Variants in DLGAP1 observed in about 807,000 individuals in gnomAD.
DLGAP1 encodes DLG associated protein 1.
Under a neutral mutation model 90.8 loss-of-function variants are expected in DLGAP1, and 11 were observed. That is an observed-to-expected ratio of 0.12 (90% CI 0.08 to 0.20). The LOEUF is 0.20. DLGAP1 is among the 10% of genes least tolerant of loss of function. The pLI is 1.00. For missense variants in DLGAP1, 1,050 were observed against 1,333.8 expected (o/e 0.79, Z 3.31); for synonymous variants, 558 against 540.7 (o/e 1.03, Z -0.44).
chr18:3,976,260 C>A (rs2149017309), intron 3 of DLGAP1, among the ~76,000 whole-genome samples: 1 of 151,132 alleles, frequency 6.6e-6, no homozygotes, highest in African/African-American at 2.4e-5. Context: ...CCTGTAATCC[C>A]AGCTCTTTGG....
chr18:4,221,587 C>T (rs2078077835), intron 1 of DLGAP1, among the ~76,000 whole-genome samples: 1 of 152,136 alleles, frequency 6.6e-6, no homozygotes. Context: ...ATAACACCTG[C>T]TGCTTCACCC....
chr18:3,864,308 A>G (rs11661086), intron 4 of DLGAP1, among the ~76,000 whole-genome samples: 3 of 152,136 alleles, frequency 2.0e-5, no homozygotes, highest in East Asian at 3.9e-4. Context: ...AAAACATACA[A>G]GAGATCAAAT....
chr18:3,556,473 C>A (rs2053756958), intron 9 of DLGAP1, among the ~76,000 whole-genome samples: 1 of 152,114 alleles, frequency 6.6e-6, no homozygotes, highest in South Asian at 2.1e-4. Flanking sequence ...TGTCTCGTTG[C>A]CTTTCCAGGG....
chr18:3,649,406 G>A (rs1240660248), intron 7 of DLGAP1, among the ~76,000 whole-genome samples: 1 of 152,220 alleles, frequency 6.6e-6, no homozygotes, highest in Non-Finnish European at 1.5e-5. Context: ...AAGGGGAGAA[G>A]CAAGGATTTA....
intron 3 of DLGAP1, chr18:3,885,353 A>C (rs1279393494): frequency 6.6e-6 from 1 of 152,238 alleles, no homozygotes; most frequent in Non-Finnish European, 1.5e-5. Context: ...AAATGCCTAC[A>C]GTGAATCCCT....
chr18:3,568,687 G>A (rs1327892301), intron 8 of DLGAP1, among the ~76,000 whole-genome samples: 2 of 151,738 alleles, frequency 1.3e-5, no homozygotes, highest in Non-Finnish European at 2.9e-5. Context: ...TTAAATTTTT[G>A]TTTGTTTGTT....
At chr18:4,078,852 C>T (rs9303941) in intron 2 of DLGAP1, among the ~76,000 whole-genome samples, 89,031 of 151,574 alleles carry the variant, frequency 0.59, 26,840 homozygotes, top group Non-Finnish European at 0.66. Flanking sequence ...CAATCTCAGG[C>T]TTATAGCCCT....
chr18:3,561,720 T>A (rs886632996), intron 9 of DLGAP1, among the ~76,000 whole-genome samples: 1 of 151,032 alleles, frequency 6.6e-6, no homozygotes, highest in Non-Finnish European at 1.5e-5. Context: ...AAGTTGGATA[T>A]ACTTCTTTCA....
At chr18:3,581,308 T>C (rs2055495583) in intron 8 of DLGAP1, among the ~76,000 whole-genome samples, 1 of 152,156 alleles carries the variant, frequency 6.6e-6, no homozygotes, top group Non-Finnish European at 1.5e-5. Flanking sequence ...CTCTGATTCT[T>C]TTCCCTCAAA....
chr18:4,021,162 T>C (rs2074602442), intron 2 of DLGAP1, among the ~76,000 whole-genome samples: 1 of 152,216 alleles, frequency 6.6e-6, no homozygotes, highest in African/African-American at 2.4e-5. Context: ...TCTAGTCTCC[T>C]GTACAGGCGG....
At chr18:3,544,937 A>G (rs2052925986) in intron 9 of DLGAP1, among the ~76,000 whole-genome samples, 1 of 151,924 alleles carries the variant, frequency 6.6e-6, no homozygotes, top group Non-Finnish European at 1.5e-5. Context: ...TATTTTGTAT[A>G]TATACAACAA....
intron 9 of DLGAP1, among the ~76,000 whole-genome samples, chr18:3,542,294 T>G (rs1175345836): frequency 1.3e-5 from 2 of 152,228 alleles, no homozygotes; most frequent in African/African-American, 4.8e-5. Context: ...TACACACCTC[T>G]GAACACACAA....
intron 1 of DLGAP1, among the ~76,000 whole-genome samples, chr18:4,330,213 A>AAAGCAAAGTGGC (rs2080916482): frequency 6.7e-6 from 1 of 149,556 alleles, no homozygotes; most frequent in African/African-American, 2.6e-5. Flanking sequence ...AATGATACTC[A>AAAGCAAAGTGGC]TATAATTTTC....
At chr18:3,885,390 G>GT (rs2071282817) in intron 3 of DLGAP1, 1 of 152,158 alleles carries the variant, frequency 6.6e-6, no homozygotes, top group Non-Finnish European at 1.5e-5. Context: ...ATGATATATT[G>GT]TGAGAGCCAT....
chr18:4,326,023 A>C (rs1213615885), intron 1 of DLGAP1, among the ~76,000 whole-genome samples: 1 of 152,192 alleles, frequency 6.6e-6, no homozygotes, highest in African/African-American at 2.4e-5. Flanking sequence ...GGATTTAATC[A>C]AACAAAAGAG....
intron 4 of DLGAP1, among the ~76,000 whole-genome samples, chr18:3,852,244 T>G (rs989886395): frequency 7.2e-5 from 11 of 151,930 alleles, no homozygotes; most frequent in African/African-American, 2.4e-4. Flanking sequence ...CAAAGACACA[T>G]CCCAGAAAAA....
chr18:4,358,809 G>A lies in DLGAP1; in HGVS notation c.-267+96197C>T, dbSNP rs141444670. On this transcript the variant is annotated intron_variant, in intron 1 of 12. Transcript: ENST00000315677. ...TGTAGCACCTGCTGTGCAGGTATTC[G>A]GTGCTGCCTGTGGCTTCTGGGTCAG... Among the ~76,000 whole-genome samples, 6 of 152,178 alleles carry A rather than the reference G, an allele frequency of 3.9e-5. No homozygotes were observed. In the East Asian group the frequency reaches 7.7e-4, roughly 20 times the overall value.
In DLGAP1 at chr18:3,827,206, T is replaced by C. The variant is rs548111791; in HGVS notation, c.958-12933A>G. Among the ~76,000 whole-genome samples, 51 of 152,120 alleles carry C rather than the reference T, an allele frequency of 3.4e-4. No homozygotes were observed. The South Asian group carries it at 3.9e-3, about 12-fold the overall frequency. On this transcript the variant is annotated intron_variant, in intron 4 of 12. Transcript: ENST00000315677. Reference sequence around the variant, plus strand: ...TCCCTGTGGGCATACACCTGGGACTTAGAGCTCTGAGAATGAAGGAGGTGA... The same window carrying C: ...TCCCTGTGGGCATACACCTGGGACTCAGAGCTCTGAGAATGAAGGAGGTGA...
intron 1 of DLGAP1, among the ~76,000 whole-genome samples, chr18:4,265,192 G>A (rs886271546): frequency 3.7e-5 from 5 of 134,628 alleles, no homozygotes; most frequent in African/African-American, 1.4e-4. Flanking sequence ...TCTTTTTGAC[G>A]GAGTCTCCCT....
Sources: allele counts gnomAD v4.1 joint callset (sites outside exome capture counted in the v4.1 genomes callset), GRCh38; gene constraint gnomAD v4.1.1; transcripts MANE v1.5; gene names NCBI Gene and HGNC (gene_info 2026-07-23, HGNC 2026-07-21).